Variants in CEP112 observed in about 807,000 individuals in gnomAD.
CEP112 encodes the protein centrosomal protein of 112 kDa.
A neutral mutation model predicts 153.0 loss-of-function variants in CEP112; 127 were observed. The observed-to-expected ratio is 0.83, with a 90% CI of 0.72 to 0.96. CEP112 has a LOEUF of 0.96. Ranked by LOEUF, CEP112 falls within the 40% of genes least tolerant of loss-of-function variation. The pLI is 0.00. For synonymous variants in CEP112, 358 were observed against 374.4 expected, an observed-to-expected ratio of 0.96 and a Z score of 0.51; for missense variants, 1,089 against 1,101.2, an observed-to-expected ratio of 0.99 and a Z score of 0.16.
chr17:65,662,396 T>C (rs770017662), intron 24 of CEP112, among the ~76,000 whole-genome samples: 2 of 152,228 alleles, frequency 1.3e-5, no homozygotes, highest in Non-Finnish European at 2.9e-5. Flanking sequence ...TTCATGATTA[T>C]TTTCACTAGT....
chr17:66,021,906 C>T (rs1394500995), intron 16 of CEP112, among the ~76,000 whole-genome samples: 1 of 152,188 alleles, frequency 6.6e-6, no homozygotes, highest in Non-Finnish European at 1.5e-5. Flanking sequence ...AAACTTTATT[C>T]CTACAAGAGC....
intron 23 of CEP112, among the ~76,000 whole-genome samples, chr17:65,719,296 C>T (rs1388690866): frequency 3.3e-5 from 5 of 152,166 alleles, no homozygotes; most frequent in African/African-American, 7.2e-5. Context: ...AACATTAGTC[C>T]GGGCGCAGGG....
intron 20 of CEP112, among the ~76,000 whole-genome samples, chr17:65,870,065 G>GAAAGAAAGAAAAGAAAGAAAGA (rs1555689540): frequency 2.5e-5 from 2 of 79,238 alleles, no homozygotes; most frequent in African/African-American, 7.8e-5. Context: ...AAGAAAGAAA[G>GAAAGAAAGAAAAGAAAGAAAGA]AAAGAAAGAA....
chr17:65,898,325 C>G (rs2059727518), intron 20 of CEP112, among the ~76,000 whole-genome samples: 1 of 152,084 alleles, frequency 6.6e-6, no homozygotes, highest in South Asian at 2.1e-4. Flanking sequence ...CAGGCACACA[C>G]TCAGTTTATA....
At chr17:65,702,025 G>A (rs936247427) in intron 23 of CEP112, among the ~76,000 whole-genome samples, 41 of 149,134 alleles carry the variant, frequency 2.7e-4, no homozygotes, top group African/African-American at 9.4e-4. Flanking sequence ...GTAGGCACCC[G>A]CCATCACACC....
intron 16 of CEP112, among the ~76,000 whole-genome samples, chr17:66,020,338 T>A (rs2064952942): frequency 8.1e-6 from 1 of 122,722 alleles, no homozygotes; most frequent in Non-Finnish European, 1.8e-5. Context: ...AAATTTATTA[T>A]GATTTAAAAG....
In CEP112 at chr17:65,683,713, A is replaced by C. The variant is rs531336508; in HGVS notation, c.2697+5416T>G. On this transcript the variant is annotated intron_variant, in intron 24 of 26. Coordinates refer to ENST00000535342, the MANE Select transcript of CEP112 (RefSeq NM_001199165.4). ...GGACCAGTGCTTGCATTCTTTCTGCATATTGTGATTCTGAGCCTCCAAGCC... is the reference window on the plus strand; with the variant it reads ...GGACCAGTGCTTGCATTCTTTCTGCCTATTGTGATTCTGAGCCTCCAAGCC... 1.1e-4 allele frequency among the ~76,000 whole-genome samples: 17 copies of C among 152,270 alleles called. No individual in the cohort carries two copies. In the South Asian group the frequency reaches 3.1e-3, roughly 28 times the overall value.
intron 20 of CEP112, among the ~76,000 whole-genome samples, chr17:65,861,901 G>C (rs2058322148): frequency 6.6e-6 from 1 of 152,160 alleles, no homozygotes; most frequent in Admixed American, 6.5e-5. Context: ...GTGAACACCA[G>C]GCACATGCCC....
rs1437474277 is a variant in CEP112 at position 66,066,777 on chromosome 17, C to T, written c.955+1G>A. 3 of 1,512,046 alleles carry T rather than the reference C, an allele frequency of 2.0e-6. No homozygotes were observed. Among genetic ancestry groups the T allele is most frequent in the Non-Finnish European group, 2.7e-6 (3 of 1,128,558 alleles). 93.7% of individuals were successfully genotyped at this position (1,512,046 alleles called of 1,614,324 possible). A position where few individuals can be genotyped will look rare whatever the true frequency, so the allele number is the denominator to read the frequency against. On this transcript the variant is annotated splice_donor_variant, in intron 10 of 26. Transcript: ENST00000535342. LOFTEE classifies it high-confidence loss of function. Reference sequence around the variant, plus strand: ...AGATGTATGTAACAACACAACATCACCTTTCTTTTCAAGCTTTCTAATAGT... The same window carrying T: ...AGATGTATGTAACAACACAACATCATCTTTCTTTTCAAGCTTTCTAATAGT...
rs59270670 is a variant in CEP112 at position 66,165,342 on chromosome 17, G to C, written c.470+9702C>G. 4.2e-3 allele frequency among the ~76,000 whole-genome samples: 633 copies of C among 152,246 alleles called. 6 individuals carry two copies. Among genetic ancestry groups the C allele is most frequent in the African/African-American group, 0.014 (598 of 41,530 alleles). ...CAAGTGTTCAATAGTCACGTTTACT[G>C]GTGGCGACTGTATTGGACAGTGCCG... On this transcript the variant is annotated intron_variant, in intron 4 of 26. Transcript: ENST00000535342.
intron 16 of CEP112, among the ~76,000 whole-genome samples, chr17:66,026,461 T>C (rs12451329): frequency 0.56 from 62,479 of 110,710 alleles, 14,310 homozygotes; most frequent in East Asian, 0.88. Flanking sequence ...TTGTTTTAGG[T>C]TCTTTTGTTA....
intron 21 of CEP112, among the ~76,000 whole-genome samples, chr17:65,803,838 T>C (rs548056622): frequency 5.9e-5 from 9 of 152,218 alleles, no homozygotes; most frequent in Non-Finnish European, 1.3e-4. Context: ...CAAAAGAGCA[T>C]TTTTATGAAT....
chr17:66,055,494 G>A (rs1056730876), intron 11 of CEP112, among the ~76,000 whole-genome samples: 3 of 152,158 alleles, frequency 2.0e-5, no homozygotes, highest in Non-Finnish European at 4.4e-5. Context: ...CAGCTGTCGA[G>A]TGACATGATA....
chr17:66,183,218 C>A lies in CEP112; in HGVS notation c.82G>T (p.Val28Phe), dbSNP rs746276629. Reference protein sequence around the residue: ...DHFVVDMKPFVLKLPHRTERQ... With the variant: ...DHFVVDMKPFFLKLPHRTERQ... ...CCTGTCCTATGAGGTAATTTTAGAA[C>A]AAAGGGCTTCATATCAACCACAAAG... Residue 28 changes from valine (V) to phenylalanine (F), a missense_variant, in exon 2 of 27, where the codon GTT (valine) becomes TTT (phenylalanine). Coordinates refer to ENST00000535342, the MANE Select transcript of CEP112 (RefSeq NM_001199165.4). The A allele has an allele frequency of 1.2e-6, 2 of 1,607,208 alleles. No homozygotes were observed. The highest frequency in any genetic ancestry group is 4.5e-5 in the East Asian group (2 of 44,616).
chr17:65,660,817 T>C (rs2046353166), intron 24 of CEP112, among the ~76,000 whole-genome samples: 1 of 152,074 alleles, frequency 6.6e-6, no homozygotes, highest in Non-Finnish European at 1.5e-5. Flanking sequence ...CCACTTTGGC[T>C]TCCCACAGCG....
chr17:65,895,171 A>T (rs1479213533), intron 20 of CEP112, among the ~76,000 whole-genome samples: 2 of 152,120 alleles, frequency 1.3e-5, no homozygotes, highest in Non-Finnish European at 2.9e-5. Context: ...TTCATTGGTA[A>T]AATGAAAATA....
chr17:65,692,929 C>T (rs1042296216), intron 23 of CEP112, among the ~76,000 whole-genome samples: 1 of 152,194 alleles, frequency 6.6e-6, no homozygotes, highest in African/African-American at 2.4e-5. Context: ...GGGCTTCTGA[C>T]TGTCCTTCAT....
chr17:65,807,235 A>C (rs1026518637), intron 21 of CEP112, among the ~76,000 whole-genome samples: 1 of 152,198 alleles, frequency 6.6e-6, no homozygotes, highest in Non-Finnish European at 1.5e-5. Context: ...AGGTGGAAGA[A>C]ATTTCTAAGC....
chr17:65,691,580 C>T (rs2048105987), intron 23 of CEP112, among the ~76,000 whole-genome samples: 1 of 152,112 alleles, frequency 6.6e-6, no homozygotes, highest in African/African-American at 2.4e-5. Flanking sequence ...TACAACTCAA[C>T]CAGGTCTGAG....
Sources: gnomAD v4.1 joint callset for allele counts (sites outside exome capture counted in the v4.1 genomes callset) on GRCh38, gnomAD v4.1.1 for gene constraint, MANE v1.5 for transcripts, NCBI Gene and HGNC (gene_info 2026-07-23, HGNC 2026-07-21) for gene names.